The following MARCHF6 variants were observed in gnomAD, a reference collection of about 807,000 sequenced individuals.
The protein encoded by MARCHF6 is membrane associated ring-CH-type finger 6, also known as E3 ubiquitin-protein ligase MARCHF6.
A neutral mutation model predicts 133.7 loss-of-function variants in MARCHF6; 31 were observed. That is an observed-to-expected ratio of 0.23 (90% CI 0.17 to 0.31). The LOEUF (loss-of-function observed/expected upper bound fraction) is 0.31, where lower values mean the gene tolerates loss of function less well. MARCHF6 is among the 10% of genes least tolerant of loss of function. The pLI, the probability that MARCHF6 is intolerant of heterozygous loss-of-function variation, is 1.00. For synonymous variants in MARCHF6, 395 were observed against 402.5 expected (o/e 0.98, Z 0.22); for missense variants, 723 against 1,121.6 (o/e 0.64, Z 5.08).
At chr5:10,414,183 C>A (rs144745776) in intron 19 of MARCHF6, among the ~76,000 whole-genome samples, 2 of 151,242 alleles carry the variant, frequency 1.3e-5, no homozygotes, top group African/African-American at 4.9e-5. Context: ...TTTTTTTATG[C>A]TCTCTGATTA....
chr5:10,357,069 A>G (rs1307475213), intron 1 of MARCHF6, among the ~76,000 whole-genome samples: 1 of 152,194 alleles, frequency 6.6e-6, no homozygotes, highest in Non-Finnish European at 1.5e-5. Context: ...GTCAACTGCT[A>G]TCCATCCTGA....
chr5:10,397,511 CAGAT>C lies in MARCHF6; in HGVS notation c.913+169_913+172del, dbSNP rs1317981121. On this transcript the variant is annotated intron_variant, in intron 10 of 25. Transcript: ENST00000274140. ...CCTGTATAGATAGGCCCCAGACAGA[CAGAT>C]ACTTTCCTAAGCAGCAGTGACTGCA... 9.2e-5 allele frequency among the ~76,000 whole-genome samples: 14 copies of C among 151,972 alleles called. No homozygotes were observed. The East Asian group carries it at 2.7e-3, about 29-fold the overall frequency.
chr5:10,359,805 G>C (rs1485913533), intron 1 of MARCHF6, among the ~76,000 whole-genome samples: 1 of 152,146 alleles, frequency 6.6e-6, no homozygotes, highest in Non-Finnish European at 1.5e-5. Flanking sequence ...AGGAGTTCGA[G>C]ACCAGCCTGG....
chr5:10,360,766 A>G (rs947332784), intron 1 of MARCHF6, among the ~76,000 whole-genome samples: 4 of 152,234 alleles, frequency 2.6e-5, no homozygotes, highest in Non-Finnish European at 5.9e-5. Context: ...TAATGGAAGA[A>G]TAAGAATCAT....
chr5:10,378,664 G>GAT (rs1438916325), intron 2 of MARCHF6, 95 bp from the exon 3 acceptor site: 2 of 784,398 alleles, frequency 2.5e-6, no homozygotes, highest in Non-Finnish European at 4.2e-6. Context: ...AAAGCTCTGT[G>GAT]ATATATACAT....
intron 21 of MARCHF6, among the ~76,000 whole-genome samples, chr5:10,416,839 A>G (rs886868435): frequency 1.3e-5 from 2 of 152,136 alleles, no homozygotes; most frequent in East Asian, 3.8e-4. Context: ...GGGTATTTCT[A>G]TCAGTATGGT....
chr5:10,379,327 C>G (rs1353665243), intron 3 of MARCHF6, among the ~76,000 whole-genome samples: 1 of 152,040 alleles, frequency 6.6e-6, no homozygotes, highest in South Asian at 2.1e-4. Context: ...AAAAACGTAA[C>G]TATAATACCA....
rs978407931 is a variant in MARCHF6 at position 10,439,742 on chromosome 5, T to C, written c.*6058T>C. 5.3e-5 allele frequency: 8 copies of C among 152,320 alleles called. No individual in the cohort carries two copies. Among genetic ancestry groups the C allele is most frequent in the Non-Finnish European group, 1.0e-4 (7 of 68,094 alleles). 9.4% of individuals were successfully genotyped at this position (152,320 alleles called of 1,614,324 possible). A position where few individuals can be genotyped will look rare whatever the true frequency, so the allele number is the denominator to read the frequency against. Reference sequence around the variant, plus strand: ...CACACCAACCCTCAGAACTCTCCAATAGACGACCATGGCACTCAAAAGTCC... The same window carrying C: ...CACACCAACCCTCAGAACTCTCCAACAGACGACCATGGCACTCAAAAGTCC... On this transcript the variant is annotated 3_prime_UTR_variant, in exon 26 of 26. Transcript: ENST00000274140.
At position 10,380,765 on chromosome 5, in the gene MARCHF6, G is replaced by T. The variant is rs568347451; in HGVS notation, c.191-1035G>T. On this transcript the variant is annotated intron_variant, in intron 3 of 25. Coordinates refer to ENST00000274140, the MANE Select transcript of MARCHF6 (RefSeq NM_005885.4). ...ACATGGTGGAAACCCTGTCTCTACTGAAAATACAAAAATCAGCCAGGTGTG... is the reference window on the plus strand; with the variant it reads ...ACATGGTGGAAACCCTGTCTCTACTTAAAATACAAAAATCAGCCAGGTGTG... 2.0e-5 allele frequency among the ~76,000 whole-genome samples: 3 copies of T among 151,996 alleles called. No homozygotes were observed. In the East Asian group the frequency reaches 5.8e-4, roughly 30 times the overall value.
chr5:10,396,362 C>T (rs1043491670), intron 9 of MARCHF6, among the ~76,000 whole-genome samples: 2 of 151,898 alleles, frequency 1.3e-5, no homozygotes, highest in East Asian at 1.9e-4. Flanking sequence ...AGATTTTCCG[C>T]GAAGATAACA....
At chr5:10,372,625 G>A (rs760823969) in intron 1 of MARCHF6, among the ~76,000 whole-genome samples, 44 of 151,898 alleles carry the variant, frequency 2.9e-4, no homozygotes, top group Admixed American at 6.6e-5. Context: ...TCCTCTTGAC[G>A]AACTCCTTGA....
chr5:10,356,583 A>G (rs1735489431), intron 1 of MARCHF6, among the ~76,000 whole-genome samples: 1 of 151,850 alleles, frequency 6.6e-6, no homozygotes, highest in African/African-American at 2.4e-5. Context: ...TTTAGTAGAG[A>G]TGGGGTTTCG....
chr5:10,394,641 T>C, intron 8 of MARCHF6, 112 bp from the exon 9 acceptor site: 1 of 747,036 alleles, frequency 1.3e-6, no homozygotes. Context: ...GTATAGGAAG[T>C]GGGTGAGGAC....
chr5:10,370,646 C>CT (rs1239740894), intron 1 of MARCHF6, among the ~76,000 whole-genome samples: 4 of 150,994 alleles, frequency 2.6e-5, no homozygotes, highest in South Asian at 2.1e-4. Flanking sequence ...CATTTTCTTT[C>CT]TTTTTTTTAA....
intron 4 of MARCHF6, among the ~76,000 whole-genome samples, chr5:10,386,619 C>T (rs1737498447): frequency 6.6e-6 from 1 of 152,134 alleles, no homozygotes; most frequent in Admixed American, 6.5e-5. Context: ...AAACTGAAAC[C>T]TTTTATTGTC....
intron 16 of MARCHF6, 109 bp downstream of exon 16, chr5:10,405,786 A>G (rs1738848863): frequency 1.1e-6 from 1 of 924,566 alleles, no homozygotes; most frequent in African/African-American, 1.7e-5. Context: ...AGTATATTGA[A>G]TAATATATTT....
In MARCHF6 at chr5:10,406,722, C is replaced by T. The variant is rs71599529; in HGVS notation, c.1453-380C>T. ...TAAAATTCTTAAAGTAACATTATGT[C>T]CTTTGAAAGCTTTTGTAGCCATTAA... On this transcript the variant is annotated intron_variant, in intron 16 of 25. Transcript: ENST00000274140. 5.0e-3 allele frequency among the ~76,000 whole-genome samples: 763 copies of T among 152,242 alleles called. 7 individuals are homozygous for T. The highest frequency in any genetic ancestry group is 8.0e-3 in the Non-Finnish European group (547 of 68,020).
At position 10,394,713 on chromosome 5, in the gene MARCHF6, T is replaced by C. The variant is rs186048624; in HGVS notation, c.829-40T>C. The C allele has an allele frequency of 1.2e-3, 1,868 of 1,514,438 alleles. 19 individuals are homozygous for C. In the African/African-American group the frequency reaches 0.023, roughly 19 times the overall value. 93.8% of individuals were successfully genotyped at this position (1,514,438 alleles called of 1,614,324 possible). On this transcript the variant is annotated intron_variant, in intron 8 of 25. Transcript: ENST00000274140. ...CATAAATTAGAATAGAAAGTTCTGT[T>C]GCATCTTAAATTAATGCTTATCGTT...
intron 11 of MARCHF6, chr5:10,401,159 G>A (rs757270614): frequency 8.2e-6 from 2 of 245,198 alleles, no homozygotes; most frequent in Non-Finnish European, 7.8e-6. Context: ...CTTTCCCCAG[G>A]TGCCCCCTGC....
Sources: allele counts gnomAD v4.1 joint callset (sites outside exome capture counted in the v4.1 genomes callset), GRCh38; gene constraint gnomAD v4.1.1; transcripts MANE v1.5; gene names NCBI Gene and HGNC (gene_info 2026-07-23, HGNC 2026-07-21).